Variants in PLCG2 observed in about 807,000 individuals in gnomAD.
The protein encoded by PLCG2 is phospholipase C gamma 2, also known as 1-phosphatidylinositol 4,5-bisphosphate phosphodiesterase gamma-2.
A neutral mutation model predicts 175.6 loss-of-function variants in PLCG2; 69 were observed. That is an observed-to-expected ratio of 0.39 (90% CI 0.32 to 0.48). The LOEUF (loss-of-function observed/expected upper bound fraction) is 0.48. PLCG2 is among the 20% of genes least tolerant of loss of function. The pLI is 0.91. For missense variants in PLCG2, 1,798 were observed against 1,650.9 expected (o/e 1.09, Z -1.54); for synonymous variants, 827 against 624.0 (o/e 1.33, Z -4.85).
chr16:81,787,393 A>ATTTTTTT (rs67160306), intron 2 of PLCG2, among the ~76,000 whole-genome samples: 13,773 of 93,566 alleles, frequency 0.15, 2,016 homozygotes, highest in East Asian at 0.32. Context: ...GGATAATTTA[A>ATTTTTTT]TTTTTTTTTT....
In PLCG2 at chr16:81,751,791, G is replaced by A. The variant is rs1482660056; in HGVS notation, c.-144-4079G>A. On this transcript the variant is annotated intron_variant, in intron 1 of 5. Coordinates refer to the PLCG2 transcript ENST00000565054. ...AATCCTAGCCCTTTGGGAAGTCACG[G>A]TGGGTGGATCACCTGAGGTCAGGAG... is the stretch of plus-strand genomic sequence containing the variant. Among the ~76,000 whole-genome samples the A allele has an allele frequency of 3.3e-5, 5 of 152,268 alleles. No individual in the cohort carries two copies. In the South Asian group the frequency reaches 1.0e-3, roughly 32 times the overall value.
intron 29 of PLCG2, among the ~76,000 whole-genome samples, chr16:81,939,601 TGCAA>T (rs1242571617): frequency 4.2e-5 from 6 of 144,278 alleles, no homozygotes; most frequent in African/African-American, 8.2e-5. Context: ...CTTCCTGCTC[TGCAA>T]ACAAACACCT....
At chr16:81,916,578 C>A (rs1487927125) in intron 19 of PLCG2, among the ~76,000 whole-genome samples, 2 of 131,040 alleles carry the variant, frequency 1.5e-5, no homozygotes, top group Non-Finnish European at 3.3e-5. Context: ...ACACACTTAA[C>A]CATTTTTTTT....
At chr16:81,869,521 C>A (rs1444066900) in intron 6 of PLCG2, among the ~76,000 whole-genome samples, 6 of 152,334 alleles carry the variant, frequency 3.9e-5, no homozygotes, top group Middle Eastern at 3.4e-3. Flanking sequence ...TTACTGAGCT[C>A]TTGGACTTGG....
chr16:81,853,167 C>G (rs769665541), intron 2 of PLCG2, among the ~76,000 whole-genome samples: 5 of 152,038 alleles, frequency 3.3e-5, no homozygotes, highest in African/African-American at 4.8e-5. Context: ...CCCATCTCTA[C>G]TAAAAATACA....
At chr16:81,932,713 C>G (rs781109507) in intron 25 of PLCG2, among the ~76,000 whole-genome samples, 12 of 152,204 alleles carry the variant, frequency 7.9e-5, no homozygotes, top group Non-Finnish European at 1.8e-4. Flanking sequence ...CTTTAGGAGA[C>G]TTTGCAGAGG....
At chr16:81,887,610 G>C (rs1797772413) in intron 9 of PLCG2, among the ~76,000 whole-genome samples, 1 of 152,106 alleles carries the variant, frequency 6.6e-6, no homozygotes, top group African/African-American at 2.4e-5. Flanking sequence ...CCAGCCTGCT[G>C]GTCACCACCT....
In PLCG2 at chr16:81,854,500, C is replaced by T; in HGVS notation, c.250C>T (p.Arg84Ter). ...RPGKNSKDFE[R>*]AKAVRQKEDC... Reference sequence around the variant, plus strand: ...AGGGAAGAACTCCAAAGATTTCGAGCGAGCAAAAGCAGTTCGCCAGAAAGA... The same window carrying T: ...AGGGAAGAACTCCAAAGATTTCGAGTGAGCAAAAGCAGTTCGCCAGAAAGA... Residue 84 changes from arginine to a stop codon, truncating the protein, a stop_gained, in exon 3 of 33, where the codon CGA (arginine) becomes TGA (stop). Transcript: ENST00000564138. LOFTEE classifies it high-confidence loss of function. 3.1e-6 allele frequency: 5 copies of T among 1,613,858 alleles called. No individual in the cohort carries two copies. The highest frequency in any genetic ancestry group is 4.2e-6 in the Non-Finnish European group (5 of 1,179,726).
chr16:81,961,141 T>C lies in PLCG2; in HGVS notation c.*3143T>C, dbSNP rs1911763960. The C allele has an allele frequency of 4.3e-6, 1 of 230,902 alleles. No homozygotes were observed. The highest frequency in any genetic ancestry group is 6.2e-5 in the East Asian group (1 of 16,176). 14.3% of individuals were successfully genotyped at this position (230,902 alleles called of 1,614,324 possible). On this transcript the variant is annotated 3_prime_UTR_variant, in exon 33 of 33. Transcript: ENST00000564138. ...CAAAGTGGGAGGAACAGCCTGTAGATTTCTGAGTCTCTTAGCATGTAACTA... is the reference window on the plus strand; with the variant it reads ...CAAAGTGGGAGGAACAGCCTGTAGACTTCTGAGTCTCTTAGCATGTAACTA...
intron 2 of PLCG2, among the ~76,000 whole-genome samples, chr16:81,837,482 G>A (rs1476675828): frequency 1.3e-5 from 2 of 152,250 alleles, no homozygotes; most frequent in Non-Finnish European, 2.9e-5. Flanking sequence ...AGAAGGCGGA[G>A]CCCAGAGGTG....
At chr16:81,850,382 C>T (rs115993119) in intron 2 of PLCG2, among the ~76,000 whole-genome samples, 7,532 of 152,144 alleles carry the variant, frequency 0.05, 239 homozygotes, top group Middle Eastern at 0.088. Context: ...TTTCAGTGCA[C>T]GAAAAGGATC....
chr16:81,889,116 G>A (rs1908510358), intron 9 of PLCG2, 56 bp from the exon 10 acceptor site: 4 of 1,070,804 alleles, frequency 3.7e-6, no homozygotes, highest in Non-Finnish European at 5.6e-6. Context: ...CCTGGGAAAT[G>A]AAGAATTTTA....
At chr16:81,863,855 A>C (rs1394113093) in intron 5 of PLCG2, among the ~76,000 whole-genome samples, 2 of 152,120 alleles carry the variant, frequency 1.3e-5, no homozygotes, top group Non-Finnish European at 2.9e-5. Flanking sequence ...GAGGTGGCAA[A>C]GGGTGAGGGG....
At chr16:81,761,468 G>T (rs193140351) in intron 2 of PLCG2, among the ~76,000 whole-genome samples, 1 of 152,176 alleles carries the variant, frequency 6.6e-6, no homozygotes, top group South Asian at 2.1e-4. Flanking sequence ...GAGAGGTGAC[G>T]CGTTGTAATG....
At chr16:81,862,295 T>C (rs981336997) in intron 5 of PLCG2, among the ~76,000 whole-genome samples, 1 of 152,254 alleles carries the variant, frequency 6.6e-6, no homozygotes, top group Non-Finnish European at 1.5e-5. Flanking sequence ...GCACGCTGTT[T>C]CATTTTTTGA....
chr16:81,871,814 C>T (rs1177269811), intron 7 of PLCG2, among the ~76,000 whole-genome samples: 1 of 151,842 alleles, frequency 6.6e-6, no homozygotes, highest in Non-Finnish European at 1.5e-5. Flanking sequence ...TTTATTGCAG[C>T]ATTACTTATG....
rs1485003376 is a variant in PLCG2 at position 81,958,929 on chromosome 16, C to G, written c.*931C>G. On this transcript the variant is annotated 3_prime_UTR_variant, in exon 33 of 33. Coordinates refer to ENST00000564138, the MANE Select transcript of PLCG2 (RefSeq NM_002661.5). Reference sequence around the variant, plus strand: ...TTACCCAGTCTTCTGGAGCAGCAAGCTGAGCTTTAATGGGCTAAGCATTAG... The same window carrying G: ...TTACCCAGTCTTCTGGAGCAGCAAGGTGAGCTTTAATGGGCTAAGCATTAG... The G allele has an allele frequency of 4.5e-6, 1 of 222,094 alleles. No individual in the cohort carries two copies. The highest frequency in any genetic ancestry group is 9.0e-6 in the Non-Finnish European group (1 of 111,116). 13.8% of individuals were successfully genotyped at this position (222,094 alleles called of 1,614,324 possible).
rs945170250 is a variant in PLCG2 at position 81,869,214 on chromosome 16, C to T, written c.480C>T (p.Ser160=). Residue 160 remains serine, a splice_region_variant and synonymous_variant, in exon 6 of 33, where the codon AGC becomes AGT. Transcript: ENST00000564138. ...IYSVDQTRRN[S]ISLRELKTIL... is the part of the protein sequence containing the mutation. ...AGAACTGGGTCTCCCTCTTTTGCAG[C>T]ATCAGTCTCCGAGAGTTGAAGACCA... The T allele has an allele frequency of 2.5e-6, 4 of 1,612,680 alleles. No individual in the cohort carries two copies. The highest frequency in any genetic ancestry group is 3.4e-6 in the Non-Finnish European group (4 of 1,178,734).
In PLCG2 at chr16:81,910,375, G is replaced by A. The variant is rs910361527; in HGVS notation, c.1734-145G>A. On this transcript the variant is annotated intron_variant, in intron 17 of 32. Coordinates refer to ENST00000564138, the MANE Select transcript of PLCG2 (RefSeq NM_002661.5). Reference sequence around the variant, plus strand: ...CAAAGTGCTGGGATTACAGGCATGAGCCACTGCGCCCAGCCTCCTGTGTCT... The same window carrying A: ...CAAAGTGCTGGGATTACAGGCATGAACCACTGCGCCCAGCCTCCTGTGTCT... 2.6e-4 allele frequency: 185 copies of A among 707,060 alleles called. 1 individual carries two copies. The highest frequency in any genetic ancestry group is 1.9e-3 in the Middle Eastern group (5 of 2,654). 43.8% of individuals were successfully genotyped at this position (707,060 alleles called of 1,614,324 possible).
Sources: gnomAD v4.1 joint callset for allele counts (sites outside exome capture counted in the v4.1 genomes callset) on GRCh38, gnomAD v4.1.1 for gene constraint, MANE v1.5 for transcripts, NCBI Gene and HGNC (gene_info 2026-07-23, HGNC 2026-07-21) for gene names.